The following ABCC1 variants were observed in gnomAD, a reference collection of about 807,000 sequenced individuals.
ABCC1 encodes the protein ATP binding cassette subfamily C member 1 (ABCC1 blood group).
A neutral mutation model predicts 172.9 loss-of-function variants in ABCC1; 83 were observed. The ratio of observed to expected loss-of-function variants is 0.48; its 90% CI spans 0.40 to 0.58. ABCC1 has a LOEUF of 0.58. ABCC1 is among the 20% of genes least tolerant of loss of function. The pLI is 0.00. For synonymous variants in ABCC1, 937 were observed against 825.2 expected, an observed-to-expected ratio of 1.14 and a Z score of -2.32; for missense variants, 1,817 against 2,002.7, an observed-to-expected ratio of 0.91 and a Z score of 1.77.
intron 1 of ABCC1, among the ~76,000 whole-genome samples, chr16:15,988,358 C>G (rs2046787609): frequency 6.6e-6 from 1 of 152,152 alleles, no homozygotes; most frequent in Non-Finnish European, 1.5e-5. Context: ...AGGGCCGGCC[C>G]TTGGTCCCTA....
chr16:15,962,728 A>G (rs2046162352), intron 1 of ABCC1, among the ~76,000 whole-genome samples: 1 of 152,182 alleles, frequency 6.6e-6, no homozygotes, highest in African/African-American at 2.4e-5. Flanking sequence ...AGCATGGGGG[A>G]ACCGCTCCCA....
At chr16:16,052,626 C>A in intron 10 of ABCC1, 98 bp from the exon 11 acceptor site, 1 of 1,163,106 alleles carries the variant, frequency 8.6e-7, no homozygotes. Flanking sequence ...TGAACTTGGT[C>A]AGCAGCATCC....
chr16:15,977,397 T>C (rs931568392), intron 1 of ABCC1, among the ~76,000 whole-genome samples: 5 of 152,164 alleles, frequency 3.3e-5, no homozygotes, highest in Admixed American at 6.5e-5. Context: ...GTCCCATTTA[T>C]TATTATTTAT....
chr16:16,127,479 G>A (rs2045488420), intron 26 of ABCC1, among the ~76,000 whole-genome samples: 1 of 152,082 alleles, frequency 6.6e-6, no homozygotes, highest in Non-Finnish European at 1.5e-5. Context: ...GATTACAAGC[G>A]GGAGCCACCA....
intron 26 of ABCC1, among the ~76,000 whole-genome samples, chr16:16,127,297 C>T (rs1166494725): frequency 6.6e-6 from 1 of 152,260 alleles, no homozygotes; most frequent in East Asian, 1.9e-4. Flanking sequence ...TTCGCTGCCT[C>T]CCAGGCTCAA....
chr16:16,125,164 C>G (rs45503692), intron 25 of ABCC1, among the ~76,000 whole-genome samples: 1 of 152,148 alleles, frequency 6.6e-6, no homozygotes, highest in Non-Finnish European at 1.5e-5. Flanking sequence ...CTTCCAGGTA[C>G]GAGGGGAATG....
chr16:16,130,798 T>C (rs868302764), intron 26 of ABCC1, among the ~76,000 whole-genome samples: 10 of 152,214 alleles, frequency 6.6e-5, no homozygotes, highest in African/African-American at 1.9e-4. Context: ...AGAAAAACTT[T>C]TTAAAAGTTT....
chr16:16,069,175 AAT>A (rs1382088217), intron 13 of ABCC1, among the ~76,000 whole-genome samples: 3 of 98,564 alleles, frequency 3.0e-5, no homozygotes, highest in Middle Eastern at 5.0e-3. Context: ...AATAAAAATA[AAT>A]AAATAAATAA....
intron 5 of ABCC1, among the ~76,000 whole-genome samples, chr16:16,025,002 A>G (rs935178842): frequency 6.6e-6 from 1 of 151,634 alleles, no homozygotes; most frequent in Non-Finnish European, 1.5e-5. Context: ...CCATCTCTTG[A>G]AACAAAAAAA....
At position 16,136,574 on chromosome 16, in the gene ABCC1, C is replaced by T. The variant is rs780971685; in HGVS notation, c.4222C>T (p.Leu1408=). Residue 1408 remains leucine (L), a synonymous_variant, in exon 29 of 31, where the codon CTG becomes TTG. Coordinates refer to ENST00000399410, the MANE Select transcript of ABCC1 (RefSeq NM_004996.4). ...EVWTSLELAH[L]KDFVSALPDK... is the part of the protein sequence containing the mutation. ...CTGGACGTCCCTGGAGCTGGCCCACCTGAAGGACTTCGTGTCAGCCCTTCC... is the reference window on the plus strand; with the variant it reads ...CTGGACGTCCCTGGAGCTGGCCCACTTGAAGGACTTCGTGTCAGCCCTTCC... 28 of 1,614,060 alleles carry T rather than the reference C, an allele frequency of 1.7e-5. 1 individual carries two copies. The South Asian group carries it at 3.0e-4, about 17-fold the overall frequency.
intron 17 of ABCC1, 94 bp downstream of exon 17, chr16:16,083,636 A>G (rs528772909): frequency 6.7e-6 from 10 of 1,501,226 alleles, no homozygotes; most frequent in East Asian, 4.6e-5. Context: ...GTCTGCTGCT[A>G]TCAGCTGACC....
chr16:16,024,803 C>A lies in ABCC1; in HGVS notation c.615+8182C>A, dbSNP rs149365940. 3.5e-4 allele frequency among the ~76,000 whole-genome samples: 53 copies of A among 152,212 alleles called. 1 individual carries two copies. In the East Asian group the frequency reaches 0.01, roughly 29 times the overall value. On this transcript the variant is annotated intron_variant, in intron 5 of 30. Coordinates refer to ENST00000399410, the MANE Select transcript of ABCC1 (RefSeq NM_004996.4). The stretch of plus-strand genomic sequence containing the variant: ...GGACATGGGGGTGAGGTCGGTGGCA[C>A]TTAAAAAGCCTTTGCAGGCACCCAG...
At chr16:16,022,275 T>C (rs1318725360) in intron 5 of ABCC1, among the ~76,000 whole-genome samples, 1 of 152,144 alleles carries the variant, frequency 6.6e-6, no homozygotes, top group African/African-American at 2.4e-5. Context: ...CAGATGTCTA[T>C]TCCAGCCCTG....
chr16:16,117,566 G>A (rs1036787458), intron 23 of ABCC1, among the ~76,000 whole-genome samples: 1 of 152,196 alleles, frequency 6.6e-6, no homozygotes, highest in African/African-American at 2.4e-5. Context: ...AAGGGACCCT[G>A]GAAAGTGCCG....
intron 1 of ABCC1, among the ~76,000 whole-genome samples, chr16:15,963,743 G>C (rs2046187796): frequency 6.6e-6 from 1 of 152,160 alleles, no homozygotes; most frequent in Non-Finnish European, 1.5e-5. Context: ...GGGGGGCCCT[G>C]GACCCAGCCC....
intron 1 of ABCC1, among the ~76,000 whole-genome samples, chr16:15,985,002 C>T (rs1021448451): frequency 6.6e-5 from 10 of 151,912 alleles, no homozygotes; most frequent in Admixed American, 2.0e-4. Context: ...GCCTGGAAGG[C>T]TGAGGTGGGA....
chr16:16,039,586 T>TA (rs948477900), intron 7 of ABCC1, among the ~76,000 whole-genome samples: 31 of 152,182 alleles, frequency 2.0e-4, no homozygotes, highest in African/African-American at 7.0e-4. Context: ...GTGTTTTAGA[T>TA]ACAGTGGTCA....
In ABCC1 at chr16:15,949,713, ACCCGCCGCCCGGTG is replaced by A. The variant is rs2045818991; in HGVS notation, c.-29_-16del. 9.1e-7 allele frequency: 1 copy of A among 1,104,724 alleles called. No individual in the cohort carries two copies. 68.4% of individuals were successfully genotyped at this position (1,104,724 alleles called of 1,614,324 possible). ...CCCGCGCCAGCAACCGGGCCCGATC[ACCCGCCGCCCGGTG>A]CCCGCCGCCGCCCGCGCCACCGGCA... On this transcript the variant is annotated 5_prime_UTR_variant, in exon 1 of 31. Coordinates refer to ENST00000399410, the MANE Select transcript of ABCC1 (RefSeq NM_004996.4).
At position 16,008,010 on chromosome 16, in the gene ABCC1, T is replaced by G; in HGVS notation, c.225+18T>G. 5.6e-6 allele frequency: 3 copies of G among 531,428 alleles called. No homozygotes were observed. The highest frequency in any genetic ancestry group is 2.6e-5 in the Admixed American group (1 of 38,192). The allele number at this position is 531,428 out of a possible 1,614,324, so 32.9% of individuals were successfully genotyped here. ...CCAAAACTGTAAGTCACTGGGGGGTTTCGTTGTGGGGGGTGGGAAGGTGCA... is the reference window on the plus strand; with the variant it reads ...CCAAAACTGTAAGTCACTGGGGGGTGTCGTTGTGGGGGGTGGGAAGGTGCA... On this transcript the variant is annotated intron_variant, in intron 2 of 30. Transcript: ENST00000399410.
Sources: allele counts gnomAD v4.1 joint callset (sites outside exome capture counted in the v4.1 genomes callset), GRCh38; gene constraint gnomAD v4.1.1; transcripts MANE v1.5; gene names NCBI Gene and HGNC (gene_info 2026-07-23, HGNC 2026-07-21).